The following RAPGEF4 variants were observed in gnomAD, a reference collection of about 807,000 sequenced individuals.
The protein encoded by RAPGEF4 is Rap guanine nucleotide exchange factor 4, also known as RAP guanine-nucleotide-exchange factor (GEF) 4.
In RAPGEF4, 66 loss-of-function variants were observed where a neutral mutation model predicts 147.9. That is an observed-to-expected ratio of 0.45 (90% CI 0.37 to 0.55). RAPGEF4 has a LOEUF of 0.55. Ranked by LOEUF, RAPGEF4 falls within the 20% of genes least tolerant of loss-of-function variation. RAPGEF4 has a pLI of 0.00. For synonymous variants in RAPGEF4, 419 were observed against 442.7 expected, an observed-to-expected ratio of 0.95 and a Z score of 0.67; for missense variants, 1,071 against 1,257.3, an observed-to-expected ratio of 0.85 and a Z score of 2.24.
intron 29 of RAPGEF4, among the ~76,000 whole-genome samples, chr2:173,043,285 G>A (rs1338615845): frequency 6.6e-6 from 1 of 152,188 alleles, no homozygotes; most frequent in Non-Finnish European, 1.5e-5. Flanking sequence ...AAAGCAATCT[G>A]GCAAACATTA....
intron 29 of RAPGEF4, among the ~76,000 whole-genome samples, chr2:173,039,926 A>T (rs1375635206): frequency 6.6e-6 from 1 of 152,160 alleles, no homozygotes; most frequent in African/African-American, 2.4e-5. Context: ...GTGGTGGCTC[A>T]TGTCTGTAAT....
chr2:172,859,724 A>G (rs1196033442), intron 4 of RAPGEF4, among the ~76,000 whole-genome samples: 3 of 152,220 alleles, frequency 2.0e-5, no homozygotes, highest in East Asian at 1.9e-4. Context: ...TGAAGTATCA[A>G]GTTGCTCTGT....
chr2:172,928,271 T>C, intron 6 of RAPGEF4: 1 of 451,784 alleles, frequency 2.2e-6, no homozygotes, highest in Non-Finnish European at 4.4e-6. Context: ...TGAATTTCTT[T>C]CTGCTTTTTA....
chr2:172,753,920 A>G (rs1425372120), intron 1 of RAPGEF4, among the ~76,000 whole-genome samples: 1 of 152,128 alleles, frequency 6.6e-6, no homozygotes, highest in Non-Finnish European at 1.5e-5. Context: ...CACCGCACAC[A>G]TATACACACC....
intron 15 of RAPGEF4, among the ~76,000 whole-genome samples, chr2:172,994,633 A>G (rs1189286717): frequency 6.6e-6 from 1 of 152,238 alleles, no homozygotes; most frequent in African/African-American, 2.4e-5. Context: ...TAATGTGGCC[A>G]ACGCTACTCT....
intron 1 of RAPGEF4, chr2:172,744,291 C>A: frequency 2.5e-6 from 1 of 404,406 alleles, no homozygotes; most frequent in African/African-American, 2.1e-5. Flanking sequence ...TAGGATCAGC[C>A]AGACCTGGAT....
At chr2:173,033,764 A>G in intron 26 of RAPGEF4, 150 bp from the exon 27 acceptor site, 1 of 718,748 alleles carries the variant, frequency 1.4e-6, no homozygotes. Flanking sequence ...GATTATTCTC[A>G]AATGGCAAGA....
intron 3 of RAPGEF4, among the ~76,000 whole-genome samples, chr2:172,809,359 C>T (rs1474161765): frequency 6.6e-6 from 1 of 151,990 alleles, no homozygotes; most frequent in Non-Finnish European, 1.5e-5. Flanking sequence ...GAACTGGGAC[C>T]CAGGAAGGGC....
At chr2:172,954,593 A>G (rs1688544359) in intron 6 of RAPGEF4, among the ~76,000 whole-genome samples, 3 of 152,182 alleles carry the variant, frequency 2.0e-5, no homozygotes, top group African/African-American at 4.8e-5. Flanking sequence ...AAATCTGCCT[A>G]TGAGTCTGAC....
intron 16 of RAPGEF4, 75 bp from the exon 17 acceptor site, chr2:173,001,191 G>A (rs1195647612): frequency 2.5e-6 from 4 of 1,595,806 alleles, no homozygotes; most frequent in Non-Finnish European, 3.4e-6. Context: ...CTAAGAACAA[G>A]TGAATGGATA....
chr2:172,835,604 G>A (rs571334269), intron 4 of RAPGEF4, among the ~76,000 whole-genome samples: 1 of 152,094 alleles, frequency 6.6e-6, no homozygotes, highest in South Asian at 2.1e-4. Flanking sequence ...AATAAACACT[G>A]AGTGAAAGAA....
At chr2:172,759,621 A>C (rs1433742430) in intron 1 of RAPGEF4, among the ~76,000 whole-genome samples, 1 of 152,222 alleles carries the variant, frequency 6.6e-6, no homozygotes, top group African/African-American at 2.4e-5. Context: ...AATAAACAAC[A>C]TATGGTTCAT....
chr2:172,838,732 C>A (rs1487099622), intron 4 of RAPGEF4, among the ~76,000 whole-genome samples: 1 of 152,014 alleles, frequency 6.6e-6, no homozygotes, highest in Non-Finnish European at 1.5e-5. Context: ...ATTTTCTCTT[C>A]TCTAGGAATT....
intron 4 of RAPGEF4, among the ~76,000 whole-genome samples, chr2:172,871,768 A>T (rs1344694857): frequency 1.3e-5 from 2 of 152,116 alleles, no homozygotes; most frequent in Admixed American, 6.6e-5. Flanking sequence ...TAAAAAAAAA[A>T]TGCATTGAGA....
chr2:172,745,974 C>T (rs575078157), intron 1 of RAPGEF4, among the ~76,000 whole-genome samples: 1 of 152,248 alleles, frequency 6.6e-6, no homozygotes, highest in Non-Finnish European at 1.5e-5. Flanking sequence ...ATACAGTTTT[C>T]AGGTGATCTG....
chr2:173,015,509 G>C (rs530406181), intron 18 of RAPGEF4, among the ~76,000 whole-genome samples: 1 of 152,218 alleles, frequency 6.6e-6, no homozygotes, highest in African/African-American at 2.4e-5. Flanking sequence ...GAGGTGCGAG[G>C]CAGTGAGGAA....
chr2:172,847,462 C>CA (rs1244503365), intron 4 of RAPGEF4, among the ~76,000 whole-genome samples: 3 of 152,334 alleles, frequency 2.0e-5, no homozygotes, highest in Admixed American at 2.0e-4. Context: ...CTCATGCTCT[C>CA]AGCCTCCTCC....
intron 7 of RAPGEF4, 149 bp from the exon 8 acceptor site, chr2:172,960,973 A>G: frequency 1.2e-6 from 1 of 810,480 alleles, no homozygotes; most frequent in Non-Finnish European, 2.0e-6. Context: ...CCAGTGACAT[A>G]TCACACAAGT....
chr2:172,819,964 T>G (rs1023808327), intron 4 of RAPGEF4, among the ~76,000 whole-genome samples: 1 of 152,184 alleles, frequency 6.6e-6, no homozygotes, highest in Non-Finnish European at 1.5e-5. Context: ...AAATAAAAAC[T>G]GATCTATTAT....
Sources: gnomAD v4.1 joint callset for allele counts (sites outside exome capture counted in the v4.1 genomes callset) on GRCh38, gnomAD v4.1.1 for gene constraint, MANE v1.5 for transcripts, NCBI Gene and HGNC (gene_info 2026-07-23, HGNC 2026-07-21) for gene names.